Variants in ZDHHC15 observed in about 807,000 individuals in gnomAD.
ZDHHC15 encodes zDHHC palmitoyltransferase 15.
A neutral mutation model predicts 31.7 loss-of-function variants in ZDHHC15; 19 were observed. That is an observed-to-expected ratio of 0.60 (90% CI 0.42 to 0.88). ZDHHC15 has a LOEUF of 0.88. ZDHHC15 is among the 40% of genes least tolerant of loss of function. The pLI is 0.00. For synonymous variants in ZDHHC15, 103 were observed against 90.0 expected (o/e 1.14, Z -0.82); for missense variants, 209 against 251.2 (o/e 0.83, Z 1.14).
intron 3 of ZDHHC15, among the ~76,000 whole-genome samples, chrX:75,452,432 T>C (rs2084138423): frequency 9.1e-6 from 1 of 110,383 alleles, no homozygotes; most frequent in Non-Finnish European, 1.9e-5. Context: ...CTCCACACAA[T>C]AATAATGGGA....
intron 10 of ZDHHC15, among the ~76,000 whole-genome samples, chrX:75,409,260 G>T (rs2083455032): frequency 9.0e-6 from 1 of 111,017 alleles, no homozygotes; most frequent in African/African-American, 3.3e-5. Flanking sequence ...GGGAGACTCA[G>T]GTGGGCAGAT....
intron 3 of ZDHHC15, among the ~76,000 whole-genome samples, chrX:75,464,220 G>A (rs1245882425): frequency 9.0e-6 from 1 of 110,865 alleles, no homozygotes; most frequent in Non-Finnish European, 1.9e-5. Flanking sequence ...TCACTCATAG[G>A]TGGGAATTGA....
chrX:75,382,876 A>G (rs1400275103), intron 10 of ZDHHC15, among the ~76,000 whole-genome samples: 1 of 111,954 alleles, frequency 8.9e-6, no homozygotes, highest in African/African-American at 3.2e-5. Context: ...CTTAAAGATC[A>G]TGGAATTTAA....
chrX:75,471,962 G>C (rs185219468), intron 3 of ZDHHC15, among the ~76,000 whole-genome samples: 73 of 111,864 alleles, frequency 6.5e-4, no homozygotes, highest in Non-Finnish European at 9.6e-4. Flanking sequence ...CTGAACGATT[G>C]ACTATGGGTC....
intron 2 of ZDHHC15, among the ~76,000 whole-genome samples, chrX:75,487,630 T>G (rs1423035823): frequency 8.9e-6 from 1 of 111,912 alleles, no homozygotes; most frequent in Non-Finnish European, 1.9e-5. Context: ...GGTTCTATAA[T>G]ATCACCAAAA....
chrX:75,507,126 G>A (rs2085179830), intron 1 of ZDHHC15, among the ~76,000 whole-genome samples: 1 of 111,620 alleles, frequency 9.0e-6, no homozygotes, highest in South Asian at 3.7e-4. Context: ...GCAGAGGGCA[G>A]AAATAGAACC....
At chrX:75,450,711 A>G (rs773868965) in intron 4 of ZDHHC15, 91 bp downstream of exon 4, 3 of 1,188,706 alleles carry the variant, frequency 2.5e-6, no homozygotes, top group Admixed American at 2.2e-5. Context: ...AGATGGGAGG[A>G]AAAAAAAGGG....
chrX:75,483,489 C>T (rs1428028027), intron 2 of ZDHHC15, among the ~76,000 whole-genome samples: 1 of 110,608 alleles, frequency 9.0e-6, no homozygotes, highest in East Asian at 2.8e-4. Flanking sequence ...ATCACTTGAG[C>T]CCAGAAATTT....
At chrX:75,483,056 CATATGTGTATAT>C (rs2084717772) in intron 2 of ZDHHC15, among the ~76,000 whole-genome samples, 1 of 95,564 alleles carries the variant, frequency 1.0e-5, no homozygotes, top group South Asian at 4.8e-4. Context: ...CATATATACA[CATATGTGTATAT>C]ATATGTGTAT....
intron 5 of ZDHHC15, among the ~76,000 whole-genome samples, chrX:75,430,486 G>C (rs902968904): frequency 9.0e-6 from 1 of 111,188 alleles, no homozygotes; most frequent in Non-Finnish European, 1.9e-5. Context: ...AATGTAAAAT[G>C]AATATTTATG....
At chrX:75,505,712 C>T in intron 2 of ZDHHC15, 109 bp downstream of exon 2, 1 of 916,674 alleles carries the variant, frequency 1.1e-6, no homozygotes, top group Non-Finnish European at 1.5e-6. Context: ...TCTCCTCACC[C>T]AAGTTTATTT....
At position 75,429,119 on chromosome X, in the gene ZDHHC15, T is replaced by G. The variant is rs2083747531; in HGVS notation, c.562A>C (p.Ile188Leu). Residue 188 changes from isoleucine (I) to leucine (L), a missense_variant, in exon 7 of 12, where the codon ATT becomes CTT. Physicochemically the swap from Ile to Leu is conservative, Grantham distance 5. Coordinates refer to ENST00000373367, the MANE Select transcript of ZDHHC15 (RefSeq NM_144969.3). ...LAYSVLYCLY[I>L]ATTVFSYFIK... Reference sequence around the variant, plus strand: ...AAATAGCTGAAGACTGTCGTAGCAATGTACAGGCAGTAGAGAACAGAGTAA... The same window carrying G: ...AAATAGCTGAAGACTGTCGTAGCAAGGTACAGGCAGTAGAGAACAGAGTAA... 8.3e-7 allele frequency: 1 copy of G among 1,206,258 alleles called. No homozygotes were observed. Among genetic ancestry groups the G allele is most frequent in the Non-Finnish European group, 1.1e-6 (1 of 893,800 alleles).
intron 3 of ZDHHC15, among the ~76,000 whole-genome samples, chrX:75,457,095 GA>G (rs766660052): frequency 9.0e-6 from 1 of 111,469 alleles, no homozygotes; most frequent in East Asian, 2.8e-4. Context: ...CTGATATTTA[GA>G]AAAAATCTAA....
intron 3 of ZDHHC15, among the ~76,000 whole-genome samples, chrX:75,474,446 T>TAC (rs1349577863): frequency 2.4e-3 from 161 of 66,081 alleles, no homozygotes; most frequent in South Asian, 6.4e-3. Context: ...TATATATATA[T>TAC]ATACACACAC....
intron 10 of ZDHHC15, among the ~76,000 whole-genome samples, chrX:75,383,917 T>C (rs1458521572): frequency 9.4e-6 from 1 of 105,826 alleles, no homozygotes; most frequent in Non-Finnish European, 1.9e-5. Context: ...TTTTTTTTTG[T>C]ATTTTTAGTA....
intron 11 of ZDHHC15, among the ~76,000 whole-genome samples, chrX:75,374,054 T>C (rs187779069): frequency 1.7e-4 from 18 of 107,853 alleles, no homozygotes; most frequent in African/African-American, 6.1e-4. Flanking sequence ...AGTTCAATTG[T>C]TTTAATTTTT....
intron 1 of ZDHHC15, among the ~76,000 whole-genome samples, chrX:75,515,394 T>A (rs1315640375): frequency 9.1e-6 from 1 of 110,280 alleles, no homozygotes. Context: ...CAAGATCCAG[T>A]TGGCTTCATC....
intron 2 of ZDHHC15, among the ~76,000 whole-genome samples, chrX:75,498,406 C>T (rs1160495177): frequency 3.6e-5 from 4 of 111,621 alleles, no homozygotes; most frequent in Admixed American, 2.9e-4. Flanking sequence ...AAGACTCATC[C>T]TAAAAGCTCC....
chrX:75,497,921 C>A (rs1368712394), intron 2 of ZDHHC15, among the ~76,000 whole-genome samples: 16 of 85,605 alleles, frequency 1.9e-4, no homozygotes, highest in African/African-American at 6.4e-4. Flanking sequence ...TGGAAAAAGA[C>A]AAGGATGCCC....
Sources: gnomAD v4.1 joint callset for allele counts (sites outside exome capture counted in the v4.1 genomes callset) on GRCh38, gnomAD v4.1.1 for gene constraint, MANE v1.5 for transcripts, NCBI Gene and HGNC (gene_info 2026-07-23, HGNC 2026-07-21) for gene names.